The following MYRF variants were observed in gnomAD, a reference collection of about 807,000 sequenced individuals.
MYRF encodes the protein myelin gene regulatory factor.
A neutral mutation model predicts 126.3 loss-of-function variants in MYRF; 16 were observed. The observed-to-expected ratio is 0.13, with a 90% CI of 0.09 to 0.19. The LOEUF (loss-of-function observed/expected upper bound fraction) is 0.19, where lower values mean the gene tolerates loss of function less well. MYRF is among the 10% of genes least tolerant of loss of function. MYRF has a pLI of 1.00. For missense variants in MYRF, 1,104 were observed against 1,547.0 expected, an observed-to-expected ratio of 0.71 and a Z score of 4.80; for synonymous variants, 608 against 635.3, an observed-to-expected ratio of 0.96 and a Z score of 0.65.
chr11:61,775,769 G>A (rs1244693937), intron 8 of MYRF, among the ~76,000 whole-genome samples: 1 of 151,684 alleles, frequency 6.6e-6, no homozygotes, highest in Non-Finnish European at 1.5e-5. Context: ...GCGTGTGGGT[G>A]TGGAATGGGG....
intron 2 of MYRF, 69 bp from the exon 3 acceptor site, chr11:61,765,889 G>A: frequency 6.9e-7 from 1 of 1,458,740 alleles, no homozygotes; most frequent in Non-Finnish European, 9.1e-7. Context: ...TCCCTGCAGG[G>A]AGGGGGCGGC....
chr11:61,782,495 G>T (rs1430171354), intron 22 of MYRF: 1 of 152,274 alleles, frequency 6.6e-6, no homozygotes, highest in Non-Finnish European at 1.5e-5. Context: ...CCTGTTTACT[G>T]AGCTGCCTGC....
chr11:61,767,660 CA>C (rs1409173107), intron 3 of MYRF: 9 of 342,688 alleles, frequency 2.6e-5, no homozygotes, highest in Non-Finnish European at 5.2e-5. Context: ...CCCATCTCTA[CA>C]AAAAATACAA....
In MYRF at chr11:61,776,336, C is replaced by T. The variant is rs2066381399; in HGVS notation, c.1403C>T (p.Pro468Leu). Reference protein sequence around the residue: ...PFNPVTVNLPPEQVTKVTVGR... With the variant: ...PFNPVTVNLPLEQVTKVTVGR... ...CTCCTCTGCAGGGTCAATCTGCCCC[C>T]TGAGCAGGTCACGAAGGTGACTGTG... The change falls in exon 10 of 27, where the codon CCT becomes CTT. Residue 468 changes from proline to leucine, a missense_variant. Pro to Leu is a moderately conservative substitution (Grantham distance 98, BLOSUM62 -3). Transcript: ENST00000278836. The surrounding 1 kb of genome is among the most constrained non-coding windows in gnomAD (Gnocchi z 4.3). 6.2e-7 allele frequency: 1 copy of T among 1,612,870 alleles called. No individual in the cohort carries two copies. Among genetic ancestry groups the T allele is most frequent in the Admixed American group, 1.7e-5 (1 of 59,962 alleles).
At chr11:61,772,495 C>T (rs1478074466) in intron 7 of MYRF, among the ~76,000 whole-genome samples, 1 of 152,256 alleles carries the variant, frequency 6.6e-6, no homozygotes, top group Non-Finnish European at 1.5e-5. Flanking sequence ...ATTGCCAGGC[C>T]TGGGCCAGTG....
rs753832796 is a variant in MYRF at position 61,785,868 on chromosome 11, A to G, written c.3369A>G (p.Ala1123=). 7 of 1,613,820 alleles carry G rather than the reference A, an allele frequency of 4.3e-6. No individual in the cohort carries two copies. In the African/African-American group the frequency reaches 8.0e-5, roughly 18 times the overall value. ...FREFTYHFRV[A]LLGQANCSSE... ...AATTCACCTACCACTTCCGGGTGGC[A>G]CTGCTGGTGAGCAGGGGCATCCCAC... is the stretch of plus-strand genomic sequence containing the variant. The change falls in exon 26 of 27, where the codon GCA becomes GCG. Residue 1123 remains alanine (A), a synonymous_variant. Transcript: ENST00000278836.
At chr11:61,768,117 C>CA (rs561078800) in intron 3 of MYRF, among the ~76,000 whole-genome samples, 1,862 of 59,888 alleles carry the variant, frequency 0.031, 28 homozygotes, top group African/African-American at 0.074. Flanking sequence ...GACTCTGTCT[C>CA]AAAAAAAAAA....
chr11:61,766,360 G>A (rs751216409), intron 3 of MYRF, 139 bp downstream of exon 3: 8 of 941,100 alleles, frequency 8.5e-6, no homozygotes, highest in Non-Finnish European at 1.2e-5. Flanking sequence ...GGGCAGGTGA[G>A]GGAAGGGAGG....
At chr11:61,758,104 G>A (rs2065808094) in intron 1 of MYRF, among the ~76,000 whole-genome samples, 1 of 152,034 alleles carries the variant, frequency 6.6e-6, no homozygotes, top group Admixed American at 6.5e-5. Context: ...GGGGGGAGGG[G>A]CAAAGCCCCT....
intron 1 of MYRF, among the ~76,000 whole-genome samples, chr11:61,758,920 G>T (rs2065833442): frequency 6.6e-6 from 1 of 152,258 alleles, no homozygotes; most frequent in East Asian, 1.9e-4. Flanking sequence ...GTGTGCGCAT[G>T]TGTGTGGGTA....
Position 61,770,469 on chromosome 11 carries a change from T to C in MYRF, c.684T>C (p.Leu228=). The change falls in exon 5 of 27, where the codon CTT becomes CTC. Residue 228 remains leucine (L), a synonymous_variant. Coordinates refer to ENST00000278836, the MANE Select transcript of MYRF (RefSeq NM_001127392.3). ...GGCAGGGGCTGGTGCCCACTGATCT[T>C]CACCACACCCAGCAGTCCCAGATGC... The part of the protein sequence containing the change: ...AMGQGLVPTD[L]HHTQQSQMLH... The C allele has an allele frequency of 2.6e-6, 4 of 1,563,714 alleles. No individual in the cohort carries two copies. The highest frequency in any genetic ancestry group is 3.5e-6 in the Non-Finnish European group (4 of 1,154,136).
Position 61,783,800 on chromosome 11 carries a change from T to TG in MYRF, c.3120-45dup, listed in dbSNP as rs1267553831. 3 of 1,522,998 alleles carry TG rather than the reference T, an allele frequency of 2.0e-6. No individual in the cohort carries two copies. The highest frequency in any genetic ancestry group is 2.4e-5 in the South Asian group (2 of 84,622). The allele number at this position is 1,522,998 out of a possible 1,614,324, so 94.3% of individuals were successfully genotyped here. A position where few individuals can be genotyped will look rare whatever the true frequency, so the allele number is the denominator to read the frequency against. On this transcript the variant is annotated intron_variant, in intron 23 of 26. Coordinates refer to ENST00000278836, the MANE Select transcript of MYRF (RefSeq NM_001127392.3). The surrounding 1 kb of genome is among the most constrained non-coding windows in gnomAD (Gnocchi z 4.6). ...GGGGCTGAGGAGTCCCTGGTGGGGG[T>TG]GGGGGGTGGCAGGGTACCCTCAGGC...
rs373418952 is a variant in MYRF, at chr11:61,771,813, C to T, written c.992-16C>T. ...ACCCAAGGTGCAGGGCCCACATGGG[C>T]GTTCCCTCCCTCCAGGCCTCCTGCA... On this transcript the variant is annotated splice_polypyrimidine_tract_variant and intron_variant, in intron 6 of 26. Coordinates refer to ENST00000278836, the MANE Select transcript of MYRF (RefSeq NM_001127392.3). 92 of 1,613,958 alleles carry T rather than the reference C, an allele frequency of 5.7e-5. No homozygotes were observed. The highest frequency in any genetic ancestry group is 1.7e-4 in the Middle Eastern group (1 of 6,060).
Position 61,784,389 on chromosome 11 carries a change from G to A in MYRF, c.3300+4G>A, listed in dbSNP as rs1395992418. 3 of 1,612,144 alleles carry A rather than the reference G, an allele frequency of 1.9e-6. No homozygotes were observed. The highest frequency in any genetic ancestry group is 1.6e-4 in the Middle Eastern group (1 of 6,078). ...CCACACCCACCAGGACACCCAGGTA[G>A]GTGGGACTGGGAAGCTGCGGGCCGG... On this transcript the variant is annotated splice_donor_region_variant and intron_variant, in intron 25 of 26. Transcript: ENST00000278836.
At position 61,783,357 on chromosome 11, in the gene MYRF, T is replaced by C; in HGVS notation, c.3017-141T>C. ...CTGAGGAAAGGGTGTAGTGTGATGC[T>C]GGCCATTGTGGAGGTCTGGAAAAAA... On this transcript the variant is annotated intron_variant, in intron 22 of 26. Coordinates refer to ENST00000278836, the MANE Select transcript of MYRF (RefSeq NM_001127392.3). The surrounding 1 kb of genome is among the most constrained non-coding windows in gnomAD (Gnocchi z 4.6). The C allele has an allele frequency of 1.4e-6, 1 of 691,324 alleles. No individual in the cohort carries two copies. The highest frequency in any genetic ancestry group is 2.6e-6 in the Non-Finnish European group (1 of 383,134). The allele number at this position is 691,324 out of a possible 1,614,324, so 42.8% of individuals were successfully genotyped here. A position where few individuals can be genotyped will look rare whatever the true frequency, so the allele number is the denominator to read the frequency against.
At chr11:61,759,643 C>G (rs2065852197) in intron 1 of MYRF, among the ~76,000 whole-genome samples, 1 of 152,008 alleles carries the variant, frequency 6.6e-6, no homozygotes, top group East Asian at 1.9e-4. Context: ...GCACTCCAGC[C>G]TGGGCAACAG....
rs776565204 is a variant in MYRF, at chr11:61,783,608, G to A, written c.3119+8G>A. The A allele has an allele frequency of 6.5e-5, 105 of 1,611,384 alleles. 1 individual carries two copies. The South Asian group carries it at 1.1e-3, about 16-fold the overall frequency. ...TCCAGGGGATGCCTGCAGGTGGGCT[G>A]GGCTCCCTCCCCTCACCCAGGGAGG... On this transcript the variant is annotated splice_region_variant and intron_variant, in intron 23 of 26. Transcript: ENST00000278836. The surrounding 1 kb of genome is among the most constrained non-coding windows in gnomAD (Gnocchi z 4.6).
chr11:61,777,735 T>C lies in MYRF; in HGVS notation c.1793T>C (p.Val598Ala). ...DLRAKEHVQE[V>A]DTTEQLKRIS... ...ATTCCCGGGCCTGGCTCCCCGCAGGTGGACACCACCGAGCAATTGAAGAGG... is the reference window on the plus strand; with the variant it reads ...ATTCCCGGGCCTGGCTCCCCGCAGGCGGACACCACCGAGCAATTGAAGAGG... Residue 598 changes from valine to alanine, a missense_variant and splice_region_variant, in exon 13 of 27, where the codon GTG becomes GCG. Val to Ala is a moderately conservative substitution (Grantham distance 64). Around this residue, in one of 10 missense-constraint regions of MYRF, gnomAD observed 123 missense variants for 209.1 expected, o/e 0.59. Transcript: ENST00000278836. The surrounding 1 kb of genome is among the most constrained non-coding windows in gnomAD (Gnocchi z 8.8). 1 of 1,549,884 alleles carries C rather than the reference T, an allele frequency of 6.5e-7. No individual in the cohort carries two copies. The highest frequency in any genetic ancestry group is 8.7e-7 in the Non-Finnish European group (1 of 1,145,768).
In MYRF at chr11:61,778,562, A is replaced by G. The variant is rs1317825225; in HGVS notation, c.2013+73A>G. The G allele has an allele frequency of 1.8e-6, 2 of 1,087,948 alleles. No individual in the cohort carries two copies. Among genetic ancestry groups the G allele is most frequent in the African/African-American group, 3.1e-5 (2 of 64,718 alleles). 67.4% of individuals were successfully genotyped at this position (1,087,948 alleles called of 1,614,324 possible). A position where few individuals can be genotyped will look rare whatever the true frequency, so the allele number is the denominator to read the frequency against. On this transcript the variant is annotated intron_variant, in intron 14 of 26. Transcript: ENST00000278836. The surrounding 1 kb of genome is among the most constrained non-coding windows in gnomAD (Gnocchi z 4.6). ...CAGCTGGGGAACACTCATCACCTCC[A>G]TAGATACTGGGGGCACTGCAAAGCA...
Sources: gnomAD v4.1 joint callset for allele counts (sites outside exome capture counted in the v4.1 genomes callset) on GRCh38, gnomAD v4.1.1 for gene constraint, gnomAD v4.1.1 regional missense constraint, Gnocchi (gnomAD v3.1) non-coding constraint, MANE v1.5 for transcripts, NCBI Gene and HGNC (gene_info 2026-07-23, HGNC 2026-07-21) for gene names.